The following TACC2 variants were observed in gnomAD, a reference collection of about 807,000 sequenced individuals.
TACC2 encodes the protein transforming acidic coiled-coil-containing protein 2.
TACC2 carries 137 observed loss-of-function variants against 227.3 expected under a neutral mutation model. The ratio of observed to expected loss-of-function variants is 0.60; its 90% confidence interval spans 0.52 to 0.69. The LOEUF (loss-of-function observed/expected upper bound fraction) is 0.69, where lower values mean the gene tolerates loss of function less well. Ranked by LOEUF, TACC2 falls within the 30% of genes least tolerant of loss-of-function variation. The pLI, the probability that TACC2 is intolerant of heterozygous loss-of-function variation, is 0.00. For missense variants in TACC2, 3,470 were observed against 3,694.4 expected, an observed-to-expected ratio of 0.94 and a Z score of 1.57; for synonymous variants, 1,523 against 1,487.5, an observed-to-expected ratio of 1.02 and a Z score of -0.55.
At chr10:122,251,449 T>G (rs537013405) in intron 22 of TACC2, among the ~76,000 whole-genome samples, 95 of 152,302 alleles carry the variant, frequency 6.2e-4, no homozygotes, top group Admixed American at 1.2e-3. Flanking sequence ...ATGGTTTTAG[T>G]GTTGAGTGTG....
At position 122,085,560 on chromosome 10, in the gene TACC2, A is replaced by C; in HGVS notation, c.3060A>C (p.Ala1020=). Residue 1020 remains alanine, a synonymous_variant, in exon 4 of 23, where the codon GCA becomes GCC. Transcript: ENST00000369005. ...AAAGGCATCCAGGAGCTTCTGAAGCAGCTGATGGTTGTTCCCCACTCTGGG... is the reference window on the plus strand; with the variant it reads ...AAAGGCATCCAGGAGCTTCTGAAGCCGCTGATGGTTGTTCCCCACTCTGGG... ...ACQRHPGASE[A]ADGCSPLWGL... is the part of the protein sequence containing the mutation. The C allele has an allele frequency of 6.2e-7, 1 of 1,613,332 alleles. No homozygotes were observed. The highest frequency in any genetic ancestry group is 1.1e-5 in the South Asian group (1 of 91,090).
chr10:122,063,448 AC>A (rs1277939266), intron 3 of TACC2, among the ~76,000 whole-genome samples: 3 of 152,230 alleles, frequency 2.0e-5, no homozygotes, highest in Non-Finnish European at 4.4e-5. Flanking sequence ...TGAGCTCCTG[AC>A]TTTTGACGCT....
chr10:122,131,564 C>G (rs974448622), intron 5 of TACC2, among the ~76,000 whole-genome samples: 1 of 152,164 alleles, frequency 6.6e-6, no homozygotes, highest in Non-Finnish European at 1.5e-5. Context: ...AAATGAATTA[C>G]TAGAAAAATG....
intron 7 of TACC2, among the ~76,000 whole-genome samples, chr10:122,152,190 T>C (rs1039088686): frequency 6.6e-6 from 1 of 152,190 alleles, no homozygotes; most frequent in African/African-American, 2.4e-5. Flanking sequence ...CCTGCTCCCA[T>C]CTCTGTCTAA....
intron 5 of TACC2, chr10:122,088,866 A>AT: frequency 1.0e-6 from 1 of 965,494 alleles, no homozygotes. Flanking sequence ...CATGCCTGTA[A>AT]TCCCAACACT....
intron 5 of TACC2, among the ~76,000 whole-genome samples, chr10:122,117,848 TAAGCA>T (rs2084987201): frequency 6.6e-6 from 1 of 152,150 alleles, no homozygotes; most frequent in African/African-American, 2.4e-5. Flanking sequence ...CAAGAGACAG[TAAGCA>T]GCTAGGCCAT....
intron 7 of TACC2, among the ~76,000 whole-genome samples, chr10:122,160,461 G>A (rs186699440): frequency 6.6e-4 from 100 of 152,296 alleles, no homozygotes; most frequent in Non-Finnish European, 1.2e-3. Flanking sequence ...GCATGGTTGG[G>A]TTCCTGATGA....
chr10:122,096,695 C>CA (rs57474527), intron 5 of TACC2, among the ~76,000 whole-genome samples: 57,964 of 115,784 alleles, frequency 0.5, 12,953 homozygotes, highest in Middle Eastern at 0.53. Flanking sequence ...AACTCCGTCT[C>CA]AAAAAAAAAA....
intron 6 of TACC2, among the ~76,000 whole-genome samples, chr10:122,140,367 C>A (rs1466993916): frequency 6.6e-6 from 1 of 152,234 alleles, no homozygotes; most frequent in Admixed American, 6.5e-5. Flanking sequence ...GCAGGTTGAA[C>A]TTAAATCAAC....
chr10:122,235,524 C>T (rs2095840761), intron 16 of TACC2, among the ~76,000 whole-genome samples: 1 of 152,126 alleles, frequency 6.6e-6, no homozygotes, highest in Non-Finnish European at 1.5e-5. Flanking sequence ...GTGAGTGAGC[C>T]ACCGCACACG....
rs1324394874 is a variant in TACC2 at position 122,087,668 on chromosome 10, A to G, written c.5168A>G (p.Asp1723Gly). The change falls in exon 4 of 23, where the codon GAT (aspartate) becomes GGT (glycine). Residue 1723 changes from aspartate to glycine, a missense_variant. Coordinates refer to ENST00000369005, the MANE Select transcript of TACC2 (RefSeq NM_206862.4). ...GAGACACAGGCATGTGCGTCCGGTG[A>G]TCTGCCTGAAGCAGGTACTACGAGG... ...TAETQACASG[D>G]LPEAGTTRTF... is the part of the protein sequence containing the mutation. 6.2e-7 allele frequency: 1 copy of G among 1,613,386 alleles called. No individual in the cohort carries two copies. Among genetic ancestry groups the G allele is most frequent in the Admixed American group, 1.7e-5 (1 of 60,028 alleles).
In TACC2 at chr10:122,253,893, G is replaced by A. The variant is rs1475015800; in HGVS notation, c.8782-98G>A. 8.5e-6 allele frequency: 8 copies of A among 937,036 alleles called. No individual in the cohort carries two copies. The Admixed American group carries it at 8.9e-5, about 10-fold the overall frequency. The allele number at this position is 937,036 out of a possible 1,614,324, so 58.0% of individuals were successfully genotyped here. On this transcript the variant is annotated intron_variant, in intron 22 of 22. Coordinates refer to ENST00000369005, the MANE Select transcript of TACC2 (RefSeq NM_206862.4). Reference sequence around the variant, plus strand: ...GTCTCACTGCTTTAGTGGGGACCAAGGGGCCTGGTGGTCCCCCATCTCCCC... The same window carrying A: ...GTCTCACTGCTTTAGTGGGGACCAAAGGGCCTGGTGGTCCCCCATCTCCCC...
chr10:122,246,790 G>A (rs568856437), intron 19 of TACC2: 24 of 152,404 alleles, frequency 1.6e-4, no homozygotes, highest in Admixed American at 1.6e-3. Flanking sequence ...TCAGGGAGAT[G>A]AGCCGCTGAT....
intron 3 of TACC2, among the ~76,000 whole-genome samples, chr10:122,073,129 ATAT>A (rs2078321628): frequency 1.5e-3 from 86 of 55,714 alleles, no homozygotes; most frequent in African/African-American, 2.2e-3. Context: ...AAAAAAAAAT[ATAT>A]ATATATATAT....
At chr10:122,117,191 C>CTT (rs71482688) in intron 5 of TACC2, among the ~76,000 whole-genome samples, 11,500 of 129,708 alleles carry the variant, frequency 0.089, 667 homozygotes, top group East Asian at 0.21. Context: ...TCTTAGAAAT[C>CTT]TTTTTTTTTT....
At chr10:122,094,481 G>A (rs2137384718) in intron 5 of TACC2, among the ~76,000 whole-genome samples, 1 of 152,268 alleles carries the variant, frequency 6.6e-6, no homozygotes, top group South Asian at 2.1e-4. Context: ...GTCTCACTAT[G>A]TTGTCCAGGC....
chr10:122,176,564 A>G (rs1237962440), intron 7 of TACC2, among the ~76,000 whole-genome samples: 1 of 151,712 alleles, frequency 6.6e-6, no homozygotes, highest in East Asian at 1.9e-4. Context: ...ATCCCATTGT[A>G]TGTGTAGACA....
intron 2 of TACC2, among the ~76,000 whole-genome samples, chr10:122,034,020 C>T (rs548356937): frequency 3.1e-4 from 47 of 151,916 alleles, no homozygotes; most frequent in Non-Finnish European, 5.2e-4. Context: ...GGCGTGGTGG[C>T]GCACACCTGT....
chr10:122,247,228 C>A (rs1279593729), intron 19 of TACC2: 1 of 152,258 alleles, frequency 6.6e-6, no homozygotes, highest in Non-Finnish European at 1.5e-5. Context: ...AGCAGGGTGC[C>A]CGCCACATGG....
Sources: gnomAD v4.1 joint callset for allele counts (sites outside exome capture counted in the v4.1 genomes callset) on GRCh38, gnomAD v4.1.1 for gene constraint, MANE v1.5 for transcripts, NCBI Gene and HGNC (gene_info 2026-07-23, HGNC 2026-07-21) for gene names.